PRKG1: variants seen among roughly 807,000 people sequenced by gnomAD.
PRKG1 encodes cGMP-dependent protein kinase 1.
Under a neutral mutation model 88.1 loss-of-function variants are expected in PRKG1, and 35 were observed. That is an observed-to-expected ratio of 0.40 (90% CI 0.30 to 0.53). The LOEUF (loss-of-function observed/expected upper bound fraction) is 0.53, where lower values mean the gene tolerates loss of function less well. Ranked by LOEUF, PRKG1 falls within the 20% of genes least tolerant of loss-of-function variation. The pLI, the probability that PRKG1 is intolerant of heterozygous loss-of-function variation, is 0.59. For synonymous variants in PRKG1, 303 were observed against 292.5 expected, an observed-to-expected ratio of 1.04 and a Z score of -0.37; for missense variants, 540 against 839.8, an observed-to-expected ratio of 0.64 and a Z score of 4.41.
At chr10:51,466,264 T>C (rs764710063) in intron 2 of PRKG1, among the ~76,000 whole-genome samples, 4 of 152,072 alleles carry the variant, frequency 2.6e-5, no homozygotes, top group Non-Finnish European at 4.4e-5. Flanking sequence ...TGGGGAAGAA[T>C]TTTCTTTCCT....
At chr10:51,213,063 G>C (rs980739857) in intron 2 of PRKG1, among the ~76,000 whole-genome samples, 4 of 152,068 alleles carry the variant, frequency 2.6e-5, no homozygotes, top group Non-Finnish European at 2.9e-5. Context: ...TTGGAACCAA[G>C]CCAAATGTCC....
chr10:52,276,235 G>T (rs1250330149), intron 12 of PRKG1, among the ~76,000 whole-genome samples: 2 of 152,084 alleles, frequency 1.3e-5, no homozygotes, highest in Non-Finnish European at 2.9e-5. Context: ...AAGAGGAGTG[G>T]TGAGAGTGGG....
intron 8 of PRKG1, among the ~76,000 whole-genome samples, chr10:52,155,753 A>G (rs1838077271): frequency 6.6e-6 from 1 of 151,768 alleles, no homozygotes; most frequent in South Asian, 2.1e-4. Flanking sequence ...ACACACACAC[A>G]CACGTAATTT....
chr10:52,054,438 A>G (rs1355295197), intron 5 of PRKG1, 46 bp from the exon 6 acceptor site: 2 of 1,449,006 alleles, frequency 1.4e-6, no homozygotes, highest in Non-Finnish European at 1.9e-6. Flanking sequence ...CTGTTTGGTA[A>G]CTTACTGCTT....
At chr10:51,373,949 C>G (rs1842756036) in intron 2 of PRKG1, among the ~76,000 whole-genome samples, 1 of 151,474 alleles carries the variant, frequency 6.6e-6, no homozygotes, top group South Asian at 2.1e-4. Flanking sequence ...CAAGACCAGC[C>G]TGGCTAACAT....
intron 9 of PRKG1, chr10:52,231,521 C>T (rs1239326225): frequency 6.6e-6 from 1 of 152,134 alleles, no homozygotes; most frequent in Non-Finnish European, 1.5e-5. Flanking sequence ...TTCCGTAATA[C>T]TTAGGGCTTA....
At chr10:51,545,871 G>C (rs541321020) in intron 3 of PRKG1, among the ~76,000 whole-genome samples, 25 of 151,944 alleles carry the variant, frequency 1.6e-4, no homozygotes, top group Non-Finnish European at 3.5e-4. Flanking sequence ...TTCAATATGA[G>C]AGTCCCTTCC....
intron 3 of PRKG1, chr10:51,699,366 A>G: frequency 6.2e-7 from 1 of 1,614,154 alleles, no homozygotes; most frequent in Admixed American, 1.7e-5. Context: ...TGGTATTCGC[A>G]GAAGCCATAG....
intron 3 of PRKG1, among the ~76,000 whole-genome samples, chr10:51,570,325 C>G (rs545182483): frequency 1.3e-5 from 2 of 151,604 alleles, no homozygotes; most frequent in South Asian, 4.2e-4. Context: ...TTTGTATGCT[C>G]TATGTATTAT....
At chr10:51,899,643 G>A (rs185672386) in intron 4 of PRKG1, among the ~76,000 whole-genome samples, 183 of 124,430 alleles carry the variant, frequency 1.5e-3, no homozygotes, top group African/African-American at 4.8e-3. Context: ...GGGCGACAGC[G>A]TGAGAGTCTG....
rs566819116 is a variant in PRKG1 at position 52,291,865 on chromosome 10, A to G, written c.1962+1575A>G. 1.6e-4 allele frequency among the ~76,000 whole-genome samples: 24 copies of G among 152,114 alleles called. No homozygotes were observed. The South Asian group carries it at 2.3e-3, about 15-fold the overall frequency. ...AATGGTTTAACTAGTTTACAGTCCC[A>G]CCAACAGTGTAAAAGTGTTCCTATT... is the stretch of plus-strand genomic sequence containing the variant. On this transcript the variant is annotated intron_variant, in intron 17 of 17. Coordinates refer to ENST00000373980, the MANE Select transcript of PRKG1 (RefSeq NM_006258.4).
At chr10:51,425,682 C>A (rs1243218280) in intron 2 of PRKG1, among the ~76,000 whole-genome samples, 2 of 152,144 alleles carry the variant, frequency 1.3e-5, no homozygotes, top group African/African-American at 4.8e-5. Flanking sequence ...CTAGTTTCAG[C>A]TTCTGCCAAG....
intron 6 of PRKG1, among the ~76,000 whole-genome samples, chr10:52,057,792 T>C (rs1846144546): frequency 1.3e-5 from 2 of 152,116 alleles, no homozygotes; most frequent in South Asian, 2.1e-4. Context: ...GTTCAGTGTT[T>C]TTTAATATAA....
chr10:51,346,258 G>A (rs575124736), intron 2 of PRKG1, among the ~76,000 whole-genome samples: 1 of 152,304 alleles, frequency 6.6e-6, no homozygotes, highest in Non-Finnish European at 1.5e-5. Context: ...AGAAGTGCAG[G>A]ACATAGTCTA....
At chr10:52,286,494 G>C (rs1259741929) in intron 14 of PRKG1, among the ~76,000 whole-genome samples, 5 of 151,854 alleles carry the variant, frequency 3.3e-5, no homozygotes, top group Non-Finnish European at 5.9e-5. Flanking sequence ...ATGAGCTTTG[G>C]GTCTAATTAA....
At chr10:50,998,690 G>A (rs1431725198) in intron 1 of PRKG1, among the ~76,000 whole-genome samples, 2 of 152,348 alleles carry the variant, frequency 1.3e-5, no homozygotes, top group South Asian at 4.1e-4. Context: ...AGAGGTTGCA[G>A]TGAGCCAAGA....
chr10:51,579,915 C>T (rs751534405), intron 3 of PRKG1, among the ~76,000 whole-genome samples: 12 of 152,060 alleles, frequency 7.9e-5, no homozygotes, highest in Non-Finnish European at 1.5e-4. Context: ...ATCAAACTGT[C>T]TTTCACTGGG....
intron 5 of PRKG1, among the ~76,000 whole-genome samples, chr10:51,927,811 T>C (rs986650525): frequency 1.6e-4 from 25 of 152,202 alleles, no homozygotes; most frequent in African/African-American, 5.8e-4. Flanking sequence ...GAGACTATGT[T>C]ATTCTAAAAT....
At chr10:51,836,212 G>T (rs575469150) in intron 4 of PRKG1, among the ~76,000 whole-genome samples, 1 of 151,964 alleles carries the variant, frequency 6.6e-6, no homozygotes, top group East Asian at 1.9e-4. Context: ...AGAAAACCCA[G>T]AAATAGATCC....
Sources: gnomAD v4.1 joint callset for allele counts (sites outside exome capture counted in the v4.1 genomes callset) on GRCh38, gnomAD v4.1.1 for gene constraint, MANE v1.5 for transcripts, NCBI Gene and HGNC (gene_info 2026-07-23, HGNC 2026-07-21) for gene names.